Variants in RCAN1 observed in about 807,000 individuals in gnomAD.
The protein encoded by RCAN1 is calcipressin-1.
RCAN1 carries 11 observed loss-of-function variants against 22.9 expected under a neutral mutation model. That is an observed-to-expected ratio of 0.48 (90% CI 0.30 to 0.79). The LOEUF is 0.79. Ranked by LOEUF, RCAN1 falls within the 30% of genes least tolerant of loss-of-function variation. RCAN1 has a pLI of 0.06. For synonymous variants in RCAN1, 136 were observed against 142.3 expected, an observed-to-expected ratio of 0.96 and a Z score of 0.32; for missense variants, 291 against 337.8, an observed-to-expected ratio of 0.86 and a Z score of 1.09.
At position 34,614,695 on chromosome 21, in the gene RCAN1, C is replaced by G; in HGVS notation, c.252+65G>C. ...GGCCGGGACTGGGCGCTGCGACCCG[C>G]GCCGCCTCCTCGGGCAACAAGTGTC... is the stretch of plus-strand genomic sequence containing the variant. On this transcript the variant is annotated intron_variant, in intron 1 of 3. Transcript: ENST00000313806. The surrounding 1 kb of genome is among the most constrained non-coding windows in gnomAD (Gnocchi z 6.0). 3.0e-6 allele frequency: 4 copies of G among 1,313,126 alleles called. No individual in the cohort carries two copies. The highest frequency in any genetic ancestry group is 3.9e-6 in the Non-Finnish European group (4 of 1,028,640). 81.3% of individuals were successfully genotyped at this position (1,313,126 alleles called of 1,614,324 possible). A position where few individuals can be genotyped will look rare whatever the true frequency, so the allele number is the denominator to read the frequency against.
At chr21:34,587,586 T>C (rs935791522) in intron 1 of RCAN1, among the ~76,000 whole-genome samples, 2 of 152,172 alleles carry the variant, frequency 1.3e-5, no homozygotes, top group African/African-American at 4.8e-5. Context: ...AATACTGTAC[T>C]ATAACCAAGG....
rs760923453 is a variant in RCAN1 at position 34,614,456 on chromosome 21, T to C, written c.252+304A>G. Reference sequence around the variant, plus strand: ...GCGAGAGCGCAGGGGGCGGCGGCGCTGCCCCACCTTGGGGAGCGAATTCAC... The same window carrying C: ...GCGAGAGCGCAGGGGGCGGCGGCGCCGCCCCACCTTGGGGAGCGAATTCAC... On this transcript the variant is annotated intron_variant, in intron 1 of 3. Transcript: ENST00000313806. The surrounding 1 kb of genome is among the most constrained non-coding windows in gnomAD (Gnocchi z 6.0). The C allele has an allele frequency of 4.9e-6, 5 of 1,016,038 alleles. No homozygotes were observed. Among genetic ancestry groups the C allele is most frequent in the Non-Finnish European group, 5.9e-6 (5 of 850,504 alleles). The allele number at this position is 1,016,038 out of a possible 1,614,324, so 62.9% of individuals were successfully genotyped here. A position where few individuals can be genotyped will look rare whatever the true frequency, so the allele number is the denominator to read the frequency against.
At chr21:34,599,452 C>T (rs139338383) in intron 1 of RCAN1, among the ~76,000 whole-genome samples, 228 of 152,188 alleles carry the variant, frequency 1.5e-3, no homozygotes, top group African/African-American at 5.0e-3. Context: ...CCAGCCTGGG[C>T]GACAGAGTGA....
chr21:34,544,661 G>T (rs1986060970), intron 1 of RCAN1, among the ~76,000 whole-genome samples: 1 of 152,218 alleles, frequency 6.6e-6, no homozygotes, highest in Non-Finnish European at 1.5e-5. Flanking sequence ...TTGAGACAGG[G>T]TCTCACTGTG....
At chr21:34,552,908 C>T (rs1054014652) in intron 1 of RCAN1, among the ~76,000 whole-genome samples, 3 of 152,186 alleles carry the variant, frequency 2.0e-5, no homozygotes, top group Non-Finnish European at 4.4e-5. Flanking sequence ...TCACATGACC[C>T]AAACTTTTAA....
Position 34,614,138 on chromosome 21 carries a change from G to T in RCAN1, c.252+622C>A. The stretch of plus-strand genomic sequence containing the variant: ...CCCCATGTACTGGGTGTCCCCGATG[G>T]CGGCAAGCCACACCTTCACACAAGG... On this transcript the variant is annotated intron_variant, in intron 1 of 3. Coordinates refer to ENST00000313806, the MANE Select transcript of RCAN1 (RefSeq NM_004414.7). The surrounding 1 kb of genome is among the most constrained non-coding windows in gnomAD (Gnocchi z 6.0). The T allele has an allele frequency of 2.7e-6, 2 of 744,356 alleles. No homozygotes were observed. Among genetic ancestry groups the T allele is most frequent in the Non-Finnish European group, 3.4e-6 (2 of 581,344 alleles). The allele number at this position is 744,356 out of a possible 1,614,324, so 46.1% of individuals were successfully genotyped here. A position where few individuals can be genotyped will look rare whatever the true frequency, so the allele number is the denominator to read the frequency against.
At chr21:34,533,657 A>G (rs1985534057) in intron 1 of RCAN1, among the ~76,000 whole-genome samples, 5 of 152,240 alleles carry the variant, frequency 3.3e-5, no homozygotes, top group Admixed American at 2.6e-4. Flanking sequence ...GGGAAAAAAG[A>G]CACAAAACAA....
intron 1 of RCAN1, among the ~76,000 whole-genome samples, chr21:34,609,116 T>C (rs2123736364): frequency 6.6e-6 from 1 of 152,326 alleles, no homozygotes; most frequent in South Asian, 2.1e-4. Flanking sequence ...AAGTTTGAGT[T>C]AAGGTAATTA....
At chr21:34,548,142 C>T (rs1273622739) in intron 1 of RCAN1, among the ~76,000 whole-genome samples, 1 of 152,186 alleles carries the variant, frequency 6.6e-6, no homozygotes, top group African/African-American at 2.4e-5. Context: ...TTTGTTATAG[C>T]AGCCCGAGCA....
intron 1 of RCAN1, among the ~76,000 whole-genome samples, chr21:34,540,897 A>G (rs983639630): frequency 6.6e-6 from 1 of 152,094 alleles, no homozygotes; most frequent in African/African-American, 2.4e-5. Flanking sequence ...AGGTAGAAGA[A>G]CCGCTTGAAC....
chr21:34,547,723 G>A (rs1331393700), intron 1 of RCAN1, among the ~76,000 whole-genome samples: 1 of 152,190 alleles, frequency 6.6e-6, no homozygotes, highest in African/African-American at 2.4e-5. Context: ...AAAAGGATGA[G>A]TTTGGCTCCA....
chr21:34,543,704 A>AGG (rs1986014155), intron 1 of RCAN1, among the ~76,000 whole-genome samples: 2 of 152,218 alleles, frequency 1.3e-5, no homozygotes, highest in African/African-American at 2.4e-5. Context: ...CTGTCCTTTT[A>AGG]TTTCTTCTTC....
chr21:34,593,093 C>G lies in RCAN1; in HGVS notation c.252+21667G>C, dbSNP rs548772232. On this transcript the variant is annotated intron_variant, in intron 1 of 3. Transcript: ENST00000313806. Reference sequence around the variant, plus strand: ...AGTTAAATCCTTCTCATCTAGATTACAATAACATTTGACCCTGAGTTTATA... The same window carrying G: ...AGTTAAATCCTTCTCATCTAGATTAGAATAACATTTGACCCTGAGTTTATA... 2.0e-5 allele frequency among the ~76,000 whole-genome samples: 3 copies of G among 152,302 alleles called. No individual in the cohort carries two copies. The East Asian group carries it at 5.8e-4, about 29-fold the overall frequency.
chr21:34,580,975 G>C lies in RCAN1; in HGVS notation c.252+33785C>G, dbSNP rs1020129963. 5.4e-4 allele frequency among the ~76,000 whole-genome samples: 82 copies of C among 152,298 alleles called. 1 individual carries two copies. The highest frequency in any genetic ancestry group is 1.9e-3 in the African/African-American group (77 of 41,562). Reference sequence around the variant, plus strand: ...AGGAGGGGTGAGAAGGAAGAAGAGAGTTTTAGGCCAAAAGCTCAAAAATGT... The same window carrying C: ...AGGAGGGGTGAGAAGGAAGAAGAGACTTTTAGGCCAAAAGCTCAAAAATGT... On this transcript the variant is annotated intron_variant, in intron 1 of 3. Transcript: ENST00000313806.
intron 1 of RCAN1, among the ~76,000 whole-genome samples, chr21:34,552,531 C>T (rs748271127): frequency 5.6e-4 from 85 of 152,180 alleles, no homozygotes; most frequent in African/African-American, 1.7e-3. Context: ...ACCTGGTTTA[C>T]GAGATTTTTT....
At chr21:34,530,706 C>A (rs1214278886) in intron 1 of RCAN1, among the ~76,000 whole-genome samples, 5 of 144,052 alleles carry the variant, frequency 3.5e-5, no homozygotes, top group Non-Finnish European at 7.5e-5. Context: ...CTCACTGCAA[C>A]CTCTGCCTCC....
At chr21:34,595,622 G>A (rs533115088) in intron 1 of RCAN1, among the ~76,000 whole-genome samples, 3 of 152,294 alleles carry the variant, frequency 2.0e-5, no homozygotes, top group Non-Finnish European at 4.4e-5. Context: ...AGGAAACTGC[G>A]CAATCTGCTC....
intron 1 of RCAN1, among the ~76,000 whole-genome samples, chr21:34,577,975 G>A (rs376566183): frequency 1.6e-4 from 25 of 152,174 alleles, no homozygotes; most frequent in Admixed American, 2.6e-4. Context: ...CGGCATGACC[G>A]AGGGGACAGC....
intron 1 of RCAN1, among the ~76,000 whole-genome samples, chr21:34,532,941 A>C (rs541179532): frequency 6.7e-6 from 1 of 150,148 alleles, no homozygotes; most frequent in South Asian, 2.1e-4. Context: ...TAATACAGTC[A>C]TATGATAAAA....
Sources: allele counts gnomAD v4.1 joint callset (sites outside exome capture counted in the v4.1 genomes callset), GRCh38; gene constraint gnomAD v4.1.1; non-coding constraint Gnocchi (gnomAD v3.1); transcripts MANE v1.5; gene names NCBI Gene and HGNC (gene_info 2026-07-23, HGNC 2026-07-21).